The following DGKB variants were observed in gnomAD, a reference collection of about 807,000 sequenced individuals.
The protein encoded by DGKB is diacylglycerol kinase beta, also known as 90 kDa diacylglycerol kinase.
DGKB carries 67 observed loss-of-function variants against 114.3 expected under a neutral mutation model. The ratio of observed to expected loss-of-function variants is 0.59; its 90% CI spans 0.48 to 0.72. The LOEUF (loss-of-function observed/expected upper bound fraction) is 0.72. DGKB is among the 30% of genes least tolerant of loss of function. DGKB has a pLI of 0.00. For missense variants in DGKB, 907 were observed against 975.2 expected (o/e 0.93, Z 0.93); for synonymous variants, 398 against 323.1 (o/e 1.23, Z -2.49).
At chr7:14,960,298 A>G (rs1331166553) in intron 1 of DGKB, among the ~76,000 whole-genome samples, 1 of 152,062 alleles carries the variant, frequency 6.6e-6, no homozygotes, top group Non-Finnish European at 1.5e-5. Context: ...GAAAATTGTG[A>G]TCTATTTAAA....
intron 19 of DGKB, among the ~76,000 whole-genome samples, chr7:14,578,440 T>C (rs1799475998): frequency 6.6e-6 from 1 of 152,190 alleles, no homozygotes; most frequent in South Asian, 2.1e-4. Context: ...TGCTCAAAGT[T>C]ACACACCTGT....
Position 14,718,700 on chromosome 7 carries a change from G to C in DGKB, c.323-15C>G. On this transcript the variant is annotated splice_polypyrimidine_tract_variant and intron_variant, in intron 5 of 25. Transcript: ENST00000402815. ...CATTCTCAGACCTGGAAAAAAAATTGTCTTTATATTTTGTTAATTATTTAC... is the reference window on the plus strand; with the variant it reads ...CATTCTCAGACCTGGAAAAAAAATTCTCTTTATATTTTGTTAATTATTTAC... The C allele has an allele frequency of 1.9e-6, 3 of 1,587,686 alleles. No individual in the cohort carries two copies. The highest frequency in any genetic ancestry group is 2.6e-6 in the Non-Finnish European group (3 of 1,167,478).
intron 21 of DGKB, among the ~76,000 whole-genome samples, chr7:14,451,082 T>C (rs1418622649): frequency 6.6e-6 from 1 of 152,020 alleles, no homozygotes; most frequent in East Asian, 1.9e-4. Flanking sequence ...ATCTGCCATC[T>C]GGGAGACAGA....
upstream of DGKB, among the ~76,000 whole-genome samples, chr7:14,906,527 C>T (rs112934293): frequency 0.02 from 2,928 of 143,790 alleles, 40 homozygotes; most frequent in Middle Eastern, 0.041. Flanking sequence ...GATCTCGGCT[C>T]ACTGCAACCT....
intron 23 of DGKB, among the ~76,000 whole-genome samples, chr7:14,313,362 C>T (rs962302636): frequency 1.1e-4 from 17 of 151,946 alleles, no homozygotes; most frequent in African/African-American, 2.4e-4. Context: ...TCTGAGGTAC[C>T]GGGTTCATCT....
intron 13 of DGKB, among the ~76,000 whole-genome samples, chr7:14,660,851 CAG>C (rs1168628433): frequency 6.6e-6 from 1 of 151,998 alleles, no homozygotes; most frequent in Non-Finnish European, 1.5e-5. Flanking sequence ...GGTACCAAAA[CAG>C]AGATATAGAT....
intron 25 of DGKB, among the ~76,000 whole-genome samples, chr7:14,164,309 C>G (rs1260751631): frequency 6.6e-6 from 1 of 152,146 alleles, no homozygotes; most frequent in Non-Finnish European, 1.5e-5. Flanking sequence ...AACGGTGTGT[C>G]TACCAAGTCA....
rs546127343 is a variant in DGKB at position 14,890,177 on chromosome 7, A to C, written c.-188+12415T>G. On this transcript the variant is annotated intron_variant, in intron 1 of 25. Coordinates refer to ENST00000402815, the MANE Select transcript of DGKB (RefSeq NM_001350709.2). ...ACATGCTATATTGTGTTCCAGACAAAATGACTGAGTATATTTTTTAGGTCA... is the reference window on the plus strand; with the variant it reads ...ACATGCTATATTGTGTTCCAGACAACATGACTGAGTATATTTTTTAGGTCA... Among the ~76,000 whole-genome samples, 3 of 151,718 alleles carry C rather than the reference A, an allele frequency of 2.0e-5. No individual in the cohort carries two copies. The East Asian group carries it at 5.8e-4, about 29-fold the overall frequency.
intron 12 of DGKB, among the ~76,000 whole-genome samples, chr7:14,676,478 C>T (rs1819877100): frequency 6.6e-6 from 1 of 152,060 alleles, no homozygotes; most frequent in African/African-American, 2.4e-5. Context: ...ATGGATACCC[C>T]ATTCTCCATG....
At chr7:14,922,004 T>A (rs916333816) in intron 1 of DGKB, among the ~76,000 whole-genome samples, 4 of 152,122 alleles carry the variant, frequency 2.6e-5, no homozygotes, top group Non-Finnish European at 5.9e-5. Context: ...TAAAAATCTT[T>A]ACCAAAACCC....
chr7:14,961,533 C>G (rs181376387), intron 1 of DGKB, among the ~76,000 whole-genome samples: 2 of 152,248 alleles, frequency 1.3e-5, no homozygotes, highest in East Asian at 1.9e-4. Context: ...CTGCCCAGAT[C>G]TGAAAAGTGT....
intron 25 of DGKB, 124 bp downstream of exon 25, chr7:14,176,715 A>C: frequency 6.6e-7 from 1 of 1,516,358 alleles, no homozygotes. Context: ...AACAACAACA[A>C]CAAAAAGACT....
chr7:14,438,157 C>G (rs1043094536), intron 21 of DGKB, among the ~76,000 whole-genome samples: 2 of 152,050 alleles, frequency 1.3e-5, no homozygotes, highest in African/African-American at 4.8e-5. Context: ...GAAATTAATT[C>G]AAACTTGACA....
chr7:14,524,463 A>T, intron 20 of DGKB, among the ~76,000 whole-genome samples: 1 of 152,192 alleles, frequency 6.6e-6, no homozygotes, highest in East Asian at 1.9e-4. Context: ...TCTTTAAATA[A>T]TCCTAATTCA....
intron 23 of DGKB, among the ~76,000 whole-genome samples, chr7:14,235,214 G>A (rs574290339): frequency 7.9e-5 from 12 of 152,108 alleles, no homozygotes; most frequent in African/African-American, 2.2e-4. Context: ...TCACATCTGC[G>A]GAGCCAAGAC....
intron 1 of DGKB, among the ~76,000 whole-genome samples, chr7:14,852,497 A>AAAAAAAAAAAAAAAAAAC (rs57418853): frequency 1.4e-5 from 2 of 138,388 alleles, no homozygotes; most frequent in Non-Finnish European, 1.6e-5. Flanking sequence ...CAAAAAAAAA[A>AAAAAAAAAAAAAAAAAAC]CAGAAATCAA....
chr7:14,964,563 G>A (rs1173044281), intron 1 of DGKB, among the ~76,000 whole-genome samples: 1 of 152,046 alleles, frequency 6.6e-6, no homozygotes, highest in Non-Finnish European at 1.5e-5. Context: ...GAATTTAGAT[G>A]GTTAGTAAAG....
chr7:14,638,536 C>T (rs1811163408), intron 13 of DGKB, among the ~76,000 whole-genome samples: 1 of 152,132 alleles, frequency 6.6e-6, no homozygotes, highest in Admixed American at 6.6e-5. Context: ...GCTATTCATT[C>T]ACTCAGCAAA....
Position 14,621,389 on chromosome 7 carries a change from G to C in DGKB, c.1273C>G (p.Gln425Glu). The change falls in exon 15 of 26, where the codon CAA (glutamine) becomes GAA (glutamate). Residue 425 changes from glutamine to glutamate, a missense_variant. Coordinates refer to ENST00000402815, the MANE Select transcript of DGKB (RefSeq NM_001350709.2). ...TTAAAAAATCATACCTGCAGGCCTT[G>C]TCCATCTACAGTAACAGAGTTGGCT... ...QRANSVTVDGQGLQVTPVPGT... is the reference protein window; with the variant it reads ...QRANSVTVDGEGLQVTPVPGT... The C allele has an allele frequency of 6.2e-7, 1 of 1,605,638 alleles. No homozygotes were observed. Among genetic ancestry groups the C allele is most frequent in the Non-Finnish European group, 8.5e-7 (1 of 1,173,716 alleles).
Sources: allele counts gnomAD v4.1 joint callset (sites outside exome capture counted in the v4.1 genomes callset), GRCh38; gene constraint gnomAD v4.1.1; transcripts MANE v1.5; gene names NCBI Gene and HGNC (gene_info 2026-07-23, HGNC 2026-07-21).